WWOX: variants seen among roughly 807,000 people sequenced by gnomAD.
WWOX encodes WW domain-containing oxidoreductase.
Under a neutral mutation model 46.2 loss-of-function variants are expected in WWOX, and 69 were observed. The ratio of observed to expected loss-of-function variants is 1.49; its 90% CI spans 1.23 to 1.82. The LOEUF (loss-of-function observed/expected upper bound fraction) is 1.82. WWOX is among the 40% of genes most tolerant of loss of function. The pLI, the probability that WWOX is intolerant of heterozygous loss-of-function variation, is 0.00. For synonymous variants in WWOX, 359 were observed against 202.6 expected (o/e 1.77, Z -6.56); for missense variants, 919 against 542.6 (o/e 1.69, Z -6.89).
chr16:78,463,601 A>C lies in WWOX; in HGVS notation c.1056+30849A>C, dbSNP rs373208279. On this transcript the variant is annotated intron_variant, in intron 8 of 8. Coordinates refer to ENST00000566780, the MANE Select transcript of WWOX (RefSeq NM_016373.4). ...AAATGAGATGAGGTAATGAGATCAC[A>C]TACACTGAAGCATCTTACGAATCTG... Among the ~76,000 whole-genome samples the C allele has an allele frequency of 2.0e-5, 3 of 152,238 alleles. No homozygotes were observed. In the East Asian group the frequency reaches 5.8e-4, roughly 29 times the overall value.
At chr16:78,432,347 C>G in intron 7 of WWOX, 141 bp from the exon 8 acceptor site, 2 of 1,092,034 alleles carry the variant, frequency 1.8e-6, no homozygotes, top group South Asian at 1.4e-5. Flanking sequence ...CTCAGGTGAT[C>G]CACTCGTCTA....
intron 8 of WWOX, among the ~76,000 whole-genome samples, chr16:78,689,809 A>T (rs1296339179): frequency 6.6e-6 from 1 of 152,146 alleles, no homozygotes; most frequent in Non-Finnish European, 1.5e-5. Flanking sequence ...AATCCTGCAT[A>T]AAGTCTTCCT....
chr16:78,680,598 G>A (rs1022071142), intron 8 of WWOX, among the ~76,000 whole-genome samples: 2 of 152,074 alleles, frequency 1.3e-5, no homozygotes, highest in East Asian at 1.9e-4. Flanking sequence ...TGGACACGTG[G>A]GGCCATTTCA....
At position 79,108,922 on chromosome 16, in the gene WWOX, T is replaced by G. The variant is rs573516951; in HGVS notation, c.1057-102686T>G. ...TCTCAAAAAATTTAAAAAAAAAAGT[T>G]TTTTTTTTTTAATCGCCATAATCTT... On this transcript the variant is annotated intron_variant, in intron 8 of 8. Coordinates refer to ENST00000566780, the MANE Select transcript of WWOX (RefSeq NM_016373.4). Among the ~76,000 whole-genome samples the G allele has an allele frequency of 6.2e-3, 893 of 143,722 alleles. 6 individuals carry two copies. The highest frequency in any genetic ancestry group is 0.021 in the African/African-American group (820 of 38,210). The allele number at this position is 143,722 out of a possible 152,430, so 94.3% of individuals were successfully genotyped here.
intron 4 of WWOX, chr16:78,124,182 T>C (rs954074552): frequency 3.2e-4 from 49 of 152,280 alleles, no homozygotes; most frequent in African/African-American, 1.2e-3. Flanking sequence ...AATTTTTTTT[T>C]CAGCAACTTT....
intron 8 of WWOX, among the ~76,000 whole-genome samples, chr16:79,068,531 C>T (rs574879688): frequency 1.9e-4 from 29 of 152,118 alleles, no homozygotes; most frequent in Admixed American, 4.6e-4. Flanking sequence ...TGGCTGGTCA[C>T]GGTGGCTCAT....
intron 5 of WWOX, among the ~76,000 whole-genome samples, chr16:78,273,368 CT>C (rs35794766): frequency 0.045 from 6,805 of 152,190 alleles, 378 homozygotes; most frequent in East Asian, 0.23. Context: ...GAATAGATCA[CT>C]TTTTTTATTG....
intron 5 of WWOX, among the ~76,000 whole-genome samples, chr16:78,377,684 A>T (rs1028718041): frequency 6.6e-6 from 1 of 152,156 alleles, no homozygotes; most frequent in African/African-American, 2.4e-5. Context: ...AAGGTTTTGG[A>T]TTATTTTCGC....
At chr16:78,484,525 G>A (rs930550193) in intron 8 of WWOX, among the ~76,000 whole-genome samples, 2 of 152,074 alleles carry the variant, frequency 1.3e-5, no homozygotes, top group Admixed American at 1.3e-4. Context: ...TTATATCTGC[G>A]TGTTATCCAC....
intron 8 of WWOX, among the ~76,000 whole-genome samples, chr16:79,163,816 A>AAAAAAAG (rs1294854077): frequency 1.8e-3 from 228 of 124,378 alleles, no homozygotes; most frequent in African/African-American, 2.7e-3. Flanking sequence ...AAAAAAAAAA[A>AAAAAAAG]AGAGAGAGAG....
chr16:78,619,378 A>AAAAGG (rs34016029), intron 8 of WWOX, among the ~76,000 whole-genome samples: 1 of 138,922 alleles, frequency 7.2e-6, no homozygotes, highest in Non-Finnish European at 1.6e-5. Context: ...AAAAAAAAAA[A>AAAAGG]GTGTAATGCA....
At chr16:78,676,041 C>T (rs758190059) in intron 8 of WWOX, among the ~76,000 whole-genome samples, 56 of 151,826 alleles carry the variant, frequency 3.7e-4, no homozygotes, top group Admixed American at 5.9e-4. Flanking sequence ...GCTTCTTCTC[C>T]GCTGCTTGTT....
intron 8 of WWOX, among the ~76,000 whole-genome samples, chr16:79,146,852 GA>G (rs1238064728): frequency 6.6e-6 from 1 of 152,134 alleles, no homozygotes. Flanking sequence ...GAGGTTTAAG[GA>G]GGTTGGAGGC....
In WWOX at chr16:78,816,910, A is replaced by T. The variant is rs572427056; in HGVS notation, c.1056+384158A>T. 2.3e-3 allele frequency among the ~76,000 whole-genome samples: 353 copies of T among 152,280 alleles called. 2 individuals carry two copies. Among genetic ancestry groups the T allele is most frequent in the Non-Finnish European group, 4.1e-3 (282 of 68,022 alleles). ...CATCTGAAGGCAAGAAATAGCCAAG[A>T]TTCCATTGCAAGTCCCAGAGTAAGT... On this transcript the variant is annotated intron_variant, in intron 8 of 8. Transcript: ENST00000566780.
intron 8 of WWOX, among the ~76,000 whole-genome samples, chr16:78,504,669 T>A (rs1242528391): frequency 6.6e-6 from 1 of 152,134 alleles, no homozygotes; most frequent in Admixed American, 6.5e-5. Flanking sequence ...TGAACACATC[T>A]CTGTGCATCG....
At chr16:78,156,958 T>A (rs1241310250) in intron 4 of WWOX, among the ~76,000 whole-genome samples, 1 of 152,090 alleles carries the variant, frequency 6.6e-6, no homozygotes. Flanking sequence ...ATCAATCAAG[T>A]TCTGGAACCT....
At chr16:78,545,150 G>T (rs1384061897) in intron 8 of WWOX, among the ~76,000 whole-genome samples, 1 of 152,190 alleles carries the variant, frequency 6.6e-6, no homozygotes, top group African/African-American at 2.4e-5. Flanking sequence ...CTTTAGGACT[G>T]ACTGATTAGC....
At chr16:78,942,196 C>G (rs2045865473) in intron 8 of WWOX, among the ~76,000 whole-genome samples, 1 of 152,112 alleles carries the variant, frequency 6.6e-6, no homozygotes, top group Admixed American at 6.5e-5. Flanking sequence ...GTGTTCTTGA[C>G]ATAGTTAAAG....
At chr16:78,947,265 C>G (rs2045967551) in intron 8 of WWOX, among the ~76,000 whole-genome samples, 1 of 152,164 alleles carries the variant, frequency 6.6e-6, no homozygotes, top group African/African-American at 2.4e-5. Flanking sequence ...TCTCAAGCCA[C>G]TTAGATTTTT....
Sources: allele counts gnomAD v4.1 joint callset (sites outside exome capture counted in the v4.1 genomes callset), GRCh38; gene constraint gnomAD v4.1.1; transcripts MANE v1.5; gene names NCBI Gene and HGNC (gene_info 2026-07-23, HGNC 2026-07-21).